Variants in ADRA1D observed in about 807,000 individuals in gnomAD.
The protein encoded by ADRA1D is adrenoceptor alpha 1D.
Under a neutral mutation model 18.6 loss-of-function variants are expected in ADRA1D, and 22 were observed. The ratio of observed to expected loss-of-function variants is 1.19; its 90% confidence interval spans 0.85 to 1.69. ADRA1D has a LOEUF of 1.69. ADRA1D is among the 40% of genes most tolerant of loss of function. ADRA1D has a pLI of 0.00. For missense variants in ADRA1D, 840 were observed against 840.7 expected (o/e 1.00, Z 0.01); for synonymous variants, 376 against 388.2 (o/e 0.97, Z 0.37).
Position 4,248,195 on chromosome 20 carries a change from C to T in ADRA1D, c.763G>A (p.Ala255Thr), listed in dbSNP as rs761637841. 13 of 1,588,184 alleles carry T rather than the reference C, an allele frequency of 8.2e-6. No individual in the cohort carries two copies. Among genetic ancestry groups the T allele is most frequent in the African/African-American group, 6.7e-5 (5 of 74,594 alleles). ...AAGGAGCACACGGAGGAGAAGACAG[C>T]GTAGCCCGCCTCCTCGGTGATACCG... ...FCGITEEAGY[A>T]VFSSVCSFYL... Residue 255 changes from alanine to threonine, a missense_variant, in exon 1 of 2, where the codon GCT becomes ACT. Physicochemically the swap from Ala to Thr is moderately conservative, Grantham distance 58. Transcript: ENST00000379453.
intron 1 of ADRA1D, among the ~76,000 whole-genome samples, chr20:4,226,474 G>A (rs572538545): frequency 6.6e-6 from 1 of 152,370 alleles, no homozygotes; most frequent in East Asian, 1.9e-4. Context: ...ACGGATCACT[G>A]TGGGCAATGG....
chr20:4,221,442 G>C lies in ADRA1D; in HGVS notation c.*81C>G, dbSNP rs1342242782. 4 of 1,450,970 alleles carry C rather than the reference G, an allele frequency of 2.8e-6. No homozygotes were observed. Among genetic ancestry groups the C allele is most frequent in the Non-Finnish European group, 3.7e-6 (4 of 1,071,840 alleles). 89.9% of individuals were successfully genotyped at this position (1,450,970 alleles called of 1,614,324 possible). A position where few individuals can be genotyped will look rare whatever the true frequency, so the allele number is the denominator to read the frequency against. On this transcript the variant is annotated 3_prime_UTR_variant, in exon 2 of 2. Coordinates refer to ENST00000379453, the MANE Select transcript of ADRA1D (RefSeq NM_000678.4). ...GTTTCCGGGTCTCCGATTTGCACGG[G>C]GGCTCTTAGAACACCAGCCCGCCTC...
intron 1 of ADRA1D, among the ~76,000 whole-genome samples, chr20:4,223,897 A>G (rs1482122510): frequency 1.5e-5 from 2 of 135,946 alleles, no homozygotes; most frequent in African/African-American, 2.5e-5. Context: ...TTTTCAATTT[A>G]CAACAGGTTT....
At chr20:4,231,718 CT>C (rs1279883852) in intron 1 of ADRA1D, among the ~76,000 whole-genome samples, 1 of 152,090 alleles carries the variant, frequency 6.6e-6, no homozygotes, top group Admixed American at 6.6e-5. Context: ...GCAAGTAGCC[CT>C]TAGGGTCAGG....
chr20:4,229,589 A>G (rs1205552562), intron 1 of ADRA1D, among the ~76,000 whole-genome samples: 1 of 152,144 alleles, frequency 6.6e-6, no homozygotes, highest in African/African-American at 2.4e-5. Flanking sequence ...AGCAGAGGAA[A>G]CGGCAAGTGC....
intron 1 of ADRA1D, among the ~76,000 whole-genome samples, chr20:4,234,543 A>G (rs1855743231): frequency 6.6e-6 from 1 of 152,054 alleles, no homozygotes. Flanking sequence ...CCATCCTTCT[A>G]GATATTCAGT....
chr20:4,227,939 C>G (rs1275327597), intron 1 of ADRA1D, among the ~76,000 whole-genome samples: 3 of 152,080 alleles, frequency 2.0e-5, no homozygotes, highest in Non-Finnish European at 4.4e-5. Context: ...CCTTCCTGCT[C>G]CTGCCTTGTG....
At chr20:4,241,235 C>T (rs1981204389) in intron 1 of ADRA1D, among the ~76,000 whole-genome samples, 1 of 151,996 alleles carries the variant, frequency 6.6e-6, no homozygotes, top group Non-Finnish European at 1.5e-5. Context: ...ATGGTGGTTT[C>T]CAGGGAGAAA....
chr20:4,227,759 C>CCTTT lies in ADRA1D; in HGVS notation c.1112-5630_1112-5629insAAAG, dbSNP rs1568763497. ...CCTTCCTTCCTTCCTTCTTCTCTCT[C>CCTTT]TCTCTTTCTTCTCTTTCTTTCTTTT... On this transcript the variant is annotated intron_variant, in intron 1 of 1. Transcript: ENST00000379453. 1.3e-3 allele frequency among the ~76,000 whole-genome samples: 181 copies of CCTTT among 135,612 alleles called. 1 individual carries two copies. Among genetic ancestry groups the CCTTT allele is most frequent in the African/African-American group, 4.7e-3 (166 of 35,140 alleles). The allele number at this position is 135,612 out of a possible 152,430, so 89.0% of individuals were successfully genotyped here.
intron 1 of ADRA1D, among the ~76,000 whole-genome samples, chr20:4,228,592 C>T (rs1405560774): frequency 6.6e-6 from 1 of 152,198 alleles, no homozygotes; most frequent in Non-Finnish European, 1.5e-5. Flanking sequence ...TACAGTGTAA[C>T]CTTTCCTATA....
At chr20:4,232,179 G>A (rs980680498) in intron 1 of ADRA1D, among the ~76,000 whole-genome samples, 2 of 152,202 alleles carry the variant, frequency 1.3e-5, no homozygotes, top group Non-Finnish European at 2.9e-5. Flanking sequence ...TTCCTAAAAT[G>A]CTGGGATTAC....
At chr20:4,231,052 T>TTCTC (rs1980948212) in intron 1 of ADRA1D, among the ~76,000 whole-genome samples, 1 of 91,984 alleles carries the variant, frequency 1.1e-5, no homozygotes, top group Non-Finnish European at 2.1e-5. Flanking sequence ...CTTTCTTTCT[T>TTCTC]TCTTTCTTTC....
chr20:4,221,090 T>C lies in ADRA1D; in HGVS notation c.*433A>G, dbSNP rs1253517597. 6.4e-6 allele frequency: 1 copy of C among 156,868 alleles called. No individual in the cohort carries two copies. Among genetic ancestry groups the C allele is most frequent in the Non-Finnish European group, 1.4e-5 (1 of 71,424 alleles). The allele number at this position is 156,868 out of a possible 1,614,324, so 9.7% of individuals were successfully genotyped here. On this transcript the variant is annotated 3_prime_UTR_variant, in exon 2 of 2. Transcript: ENST00000379453. ...GAGAAATTTGTCCACTGAGGAGCCCTGGTCCCACTGACTTTTTCCCTAAGG... is the reference window on the plus strand; with the variant it reads ...GAGAAATTTGTCCACTGAGGAGCCCCGGTCCCACTGACTTTTTCCCTAAGG...
chr20:4,230,806 T>C (rs956940939), intron 1 of ADRA1D, among the ~76,000 whole-genome samples: 2 of 152,222 alleles, frequency 1.3e-5, no homozygotes, highest in African/African-American at 4.8e-5. Flanking sequence ...CTGGGCTTCT[T>C]CTGCCTTTCT....
chr20:4,247,101 C>T (rs1353700297), intron 1 of ADRA1D, among the ~76,000 whole-genome samples: 6 of 152,196 alleles, frequency 3.9e-5, no homozygotes, highest in Non-Finnish European at 4.4e-5. Context: ...TAGGAGGCGG[C>T]CTCTGAAGAC....
chr20:4,235,440 T>A (rs1981066482), intron 1 of ADRA1D, among the ~76,000 whole-genome samples: 1 of 152,310 alleles, frequency 6.6e-6, no homozygotes, highest in East Asian at 1.9e-4. Context: ...CCACATTCCC[T>A]CTTCCTCCCC....
At chr20:4,229,639 G>C (rs1040381084) in intron 1 of ADRA1D, among the ~76,000 whole-genome samples, 1 of 152,124 alleles carries the variant, frequency 6.6e-6, no homozygotes, top group African/African-American at 2.4e-5. Flanking sequence ...GTAGAACGAT[G>C]ACGAGGTTGG....
At chr20:4,240,207 A>G (rs1981180645) in intron 1 of ADRA1D, among the ~76,000 whole-genome samples, 1 of 152,214 alleles carries the variant, frequency 6.6e-6, no homozygotes, top group Admixed American at 6.5e-5. Flanking sequence ...CACTAAATAA[A>G]TGGAAAGAAA....
intron 1 of ADRA1D, among the ~76,000 whole-genome samples, chr20:4,240,127 C>T (rs926310097): frequency 6.6e-6 from 1 of 152,088 alleles, no homozygotes; most frequent in South Asian, 2.1e-4. Context: ...AACAGAGGGA[C>T]ACATTAAATG....
Sources: gnomAD v4.1 joint callset for allele counts (sites outside exome capture counted in the v4.1 genomes callset) on GRCh38, gnomAD v4.1.1 for gene constraint, MANE v1.5 for transcripts, NCBI Gene and HGNC (gene_info 2026-07-23, HGNC 2026-07-21) for gene names.